Variants in DCDC2 observed in about 807,000 individuals in gnomAD.
DCDC2 encodes doublecortin domain-containing protein 2.
DCDC2 carries 40 observed loss-of-function variants against 50.2 expected under a neutral mutation model. The ratio of observed to expected loss-of-function variants is 0.80; its 90% CI spans 0.62 to 1.04. The LOEUF (loss-of-function observed/expected upper bound fraction) is 1.04, where lower values mean the gene tolerates loss of function less well. Ranked by LOEUF, DCDC2 falls within the 50% of genes least tolerant of loss-of-function variation. The pLI is 0.00. For missense variants in DCDC2, 570 were observed against 581.9 expected (o/e 0.98, Z 0.21); for synonymous variants, 234 against 210.6 (o/e 1.11, Z -0.96).
chr6:24,358,792 ATATATTT>A (rs1464389125), upstream of DCDC2, among the ~76,000 whole-genome samples: 11 of 69,202 alleles, frequency 1.6e-4, no homozygotes, highest in African/African-American at 6.0e-4. Context: ...TATATAAAAT[ATATATTT>A]TATATATTAT....
At chr6:24,225,775 TG>T (rs1331068679) in intron 7 of DCDC2, among the ~76,000 whole-genome samples, 1 of 152,238 alleles carries the variant, frequency 6.6e-6, no homozygotes, top group Non-Finnish European at 1.5e-5. Context: ...AATTATTTTT[TG>T]TTTTTTAATT....
intron 7 of DCDC2, among the ~76,000 whole-genome samples, chr6:24,267,115 C>G (rs1194191101): frequency 6.6e-6 from 1 of 152,122 alleles, no homozygotes; most frequent in Non-Finnish European, 1.5e-5. Context: ...AACAATTAAA[C>G]TCACGAAGAT....
chr6:24,298,789 C>T (rs1759313891), intron 4 of DCDC2, among the ~76,000 whole-genome samples: 1 of 152,070 alleles, frequency 6.6e-6, no homozygotes, highest in Non-Finnish European at 1.5e-5. Flanking sequence ...CAAACAGGCC[C>T]GTTCATAGAC....
At chr6:24,324,312 A>C (rs759702308) in intron 2 of DCDC2, among the ~76,000 whole-genome samples, 3 of 152,190 alleles carry the variant, frequency 2.0e-5, no homozygotes, top group Non-Finnish European at 4.4e-5. Flanking sequence ...ACTGTAAGCT[A>C]ATCTCTATCC....
At chr6:24,197,996 A>G (rs934574556) in intron 8 of DCDC2, among the ~76,000 whole-genome samples, 3 of 152,216 alleles carry the variant, frequency 2.0e-5, no homozygotes, top group Non-Finnish European at 2.9e-5. Context: ...AGTCCATTCT[A>G]TAAGCACATG....
At chr6:24,208,562 C>A (rs946735490) in intron 7 of DCDC2, among the ~76,000 whole-genome samples, 1 of 151,848 alleles carries the variant, frequency 6.6e-6, no homozygotes, top group East Asian at 1.9e-4. Flanking sequence ...TAGAGACAAG[C>A]GTTTCTCCAT....
rs559905040 is a variant in DCDC2, at chr6:24,190,173, T to G, written c.1024-11541A>C. 2.0e-5 allele frequency among the ~76,000 whole-genome samples: 3 copies of G among 150,940 alleles called. No homozygotes were observed. In the South Asian group the frequency reaches 6.3e-4, roughly 32 times the overall value. On this transcript the variant is annotated intron_variant, in intron 8 of 9. Transcript: ENST00000378454. ...TGACCCTGTAAGTACAGAAGAAGAG[T>G]GAAGCTGTGGCCAGTCACCTGGAAG...
intron 1 of DCDC2, 109 bp downstream of exon 1, chr6:24,357,349 A>G: frequency 7.5e-7 from 1 of 1,325,332 alleles, no homozygotes; most frequent in Non-Finnish European, 1.0e-6. Context: ...CCGAGAAGTC[A>G]CAGCCCCTCA....
Position 24,357,743 on chromosome 6 carries a change from C to T in DCDC2, c.8G>A (p.Gly3Asp), listed in dbSNP as rs374525825. The change falls in exon 1 of 10, where the codon GGC (glycine) becomes GAC (aspartate). Residue 3 changes from glycine (G) to aspartate (D), a missense_variant. Gly to Asp is a moderately conservative substitution (Grantham distance 94, BLOSUM62 -1). Coordinates refer to ENST00000378454, the MANE Select transcript of DCDC2 (RefSeq NM_016356.5). ...CAGGTGGCTGGACCTGGCGCTGCTG[C>T]CGCTCATCTTCCCCGCTGGCCGCCG... is the stretch of plus-strand genomic sequence containing the variant. MS[G>D]SSARSSHLSQ... 2 of 1,612,256 alleles carry T rather than the reference C, an allele frequency of 1.2e-6. No individual in the cohort carries two copies. Among genetic ancestry groups the T allele is most frequent in the African/African-American group, 1.3e-5 (1 of 74,940 alleles).
upstream of DCDC2, among the ~76,000 whole-genome samples, chr6:24,361,263 G>A (rs1209386744): frequency 2.0e-5 from 3 of 151,984 alleles, no homozygotes; most frequent in Non-Finnish European, 4.4e-5. Flanking sequence ...CAGATACTGG[G>A]GCCTACTTGA....
chr6:24,278,086 T>C lies in DCDC2; in HGVS notation c.885A>G (p.Val295=). 1 of 1,613,336 alleles carries C rather than the reference T, an allele frequency of 6.2e-7. No homozygotes were observed. The highest frequency in any genetic ancestry group is 8.5e-7 in the Non-Finnish European group (1 of 1,179,484). Residue 295 remains valine (V), a synonymous_variant, in exon 7 of 10, where the codon GTA becomes GTG. Coordinates refer to ENST00000378454, the MANE Select transcript of DCDC2 (RefSeq NM_016356.5). The stretch of plus-strand genomic sequence containing the variant: ...TGGTTTCTTGTGAATTCTTTAATTT[T>C]ACATTTTGTTTCAATTTCGTCAGTT... ...SEKLTKLKQN[V]KLKNSQETIP...
At chr6:24,357,122 G>A (rs1581669300) in intron 1 of DCDC2, 1 of 205,542 alleles carries the variant, frequency 4.9e-6, no homozygotes, top group South Asian at 1.7e-4. Flanking sequence ...AAAAAAATAA[G>A]GAAAAGGAAA....
chr6:24,213,862 G>A lies in DCDC2; in HGVS notation c.923-8760C>T, dbSNP rs538006227. On this transcript the variant is annotated intron_variant, in intron 7 of 9. Coordinates refer to ENST00000378454, the MANE Select transcript of DCDC2 (RefSeq NM_016356.5). ...TACCCCTCTTTGCATCACCTTTCTG[G>A]ATTAAATATAAAAAAATCATCATAA... 3.3e-5 allele frequency among the ~76,000 whole-genome samples: 5 copies of A among 152,124 alleles called. No homozygotes were observed. In the East Asian group the frequency reaches 9.6e-4, roughly 29 times the overall value.
chr6:24,188,975 TAAAC>T (rs2113749000), intron 8 of DCDC2, among the ~76,000 whole-genome samples: 1 of 152,228 alleles, frequency 6.6e-6, no homozygotes, highest in East Asian at 1.9e-4. Context: ...TATGTACCCT[TAAAC>T]AGAGAGGTTT....
chr6:24,359,220 ATT>A (rs1477899953), upstream of DCDC2, among the ~76,000 whole-genome samples: 114 of 68,558 alleles, frequency 1.7e-3, 2 homozygotes, highest in Admixed American at 7.1e-3. Context: ...TATATTATAT[ATT>A]TTATATATTT....
chr6:24,369,339 T>C, the DCDC2 span, among the ~76,000 whole-genome samples: 1 of 152,024 alleles, frequency 6.6e-6, no homozygotes, highest in African/African-American at 2.4e-5. Context: ...CCGGGCTCAG[T>C]GGCTTATGCC....
Position 24,259,941 on chromosome 6 carries a change from T to C in DCDC2, c.922+18108A>G, listed in dbSNP as rs367949103. ...GCCTCTCCTCTCAGTACTCACCATG[T>C]TGACAATAAAATTCAGTGGAGCTTA... is the stretch of plus-strand genomic sequence containing the variant. On this transcript the variant is annotated intron_variant, in intron 7 of 9. Transcript: ENST00000378454. 6.6e-5 allele frequency among the ~76,000 whole-genome samples: 10 copies of C among 152,340 alleles called. 1 individual carries two copies. In the South Asian group the frequency reaches 1.9e-3, roughly 28 times the overall value.
chr6:24,362,196 A>T (rs937994144), upstream of DCDC2, among the ~76,000 whole-genome samples: 5 of 151,206 alleles, frequency 3.3e-5, no homozygotes, highest in East Asian at 9.7e-4. Flanking sequence ...TTGTATATTT[A>T]TACAATTATT....
intron 7 of DCDC2, among the ~76,000 whole-genome samples, chr6:24,254,074 T>A (rs1762847126): frequency 6.6e-6 from 1 of 152,122 alleles, no homozygotes; most frequent in African/African-American, 2.4e-5. Flanking sequence ...CGTTAAAAAC[T>A]AAGACACAAA....
Sources: allele counts gnomAD v4.1 joint callset (sites outside exome capture counted in the v4.1 genomes callset), GRCh38; gene constraint gnomAD v4.1.1; transcripts MANE v1.5; gene names NCBI Gene and HGNC (gene_info 2026-07-23, HGNC 2026-07-21).